The following MYO1E variants were observed in gnomAD, a reference collection of about 807,000 sequenced individuals.
The protein encoded by MYO1E is unconventional myosin-Ie.
Under a neutral mutation model 151.1 loss-of-function variants are expected in MYO1E, and 68 were observed. That is an observed-to-expected ratio of 0.45 (90% CI 0.37 to 0.55). The LOEUF is 0.55. Ranked by LOEUF, MYO1E falls within the 20% of genes least tolerant of loss-of-function variation. MYO1E has a pLI of 0.00. For missense variants in MYO1E, 1,363 were observed against 1,389.3 expected (o/e 0.98, Z 0.30); for synonymous variants, 601 against 501.7 (o/e 1.20, Z -2.64).
chr15:59,271,901 T>G (rs1669389325), intron 2 of MYO1E, among the ~76,000 whole-genome samples: 1 of 152,218 alleles, frequency 6.6e-6, no homozygotes, highest in Admixed American at 6.5e-5. Flanking sequence ...AGGGACGATA[T>G]TATAGATTAA....
chr15:59,341,359 G>A (rs1388049871), intron 1 of MYO1E: 1 of 151,904 alleles, frequency 6.6e-6, no homozygotes, highest in South Asian at 2.1e-4. Context: ...CCTTGCTCAG[G>A]AGCCATGCTA....
At chr15:59,304,131 C>T (rs28380552) in intron 1 of MYO1E, among the ~76,000 whole-genome samples, 25,227 of 151,750 alleles carry the variant, frequency 0.17, 3,478 homozygotes, top group African/African-American at 0.38. Flanking sequence ...TACAGGCACA[C>T]ACCGCCACGC....
chr15:59,168,816 T>C (rs1335327452), intron 22 of MYO1E, among the ~76,000 whole-genome samples: 2 of 152,108 alleles, frequency 1.3e-5, no homozygotes, highest in East Asian at 3.9e-4. Context: ...AGATGGGTTC[T>C]TACTATGTTG....
At chr15:59,185,895 A>G (rs1288476048) in intron 18 of MYO1E, among the ~76,000 whole-genome samples, 1 of 152,204 alleles carries the variant, frequency 6.6e-6, no homozygotes, top group East Asian at 1.9e-4. Flanking sequence ...ATCCCACAAT[A>G]CACAGGACAG....
chr15:59,314,777 C>A (rs2080575697), intron 1 of MYO1E, among the ~76,000 whole-genome samples: 2 of 152,106 alleles, frequency 1.3e-5, no homozygotes, highest in Admixed American at 6.6e-5. Flanking sequence ...CAAACCTCCA[C>A]AACAAATAAC....
intron 1 of MYO1E, among the ~76,000 whole-genome samples, chr15:59,292,941 G>C (rs2080428478): frequency 6.6e-6 from 1 of 152,152 alleles, no homozygotes; most frequent in Non-Finnish European, 1.5e-5. Flanking sequence ...AGGCAAATGG[G>C]AGTTTGTAGA....
intron 1 of MYO1E, among the ~76,000 whole-genome samples, chr15:59,310,656 C>T (rs1253435569): frequency 6.6e-6 from 1 of 152,076 alleles, no homozygotes; most frequent in African/African-American, 2.4e-5. Context: ...ATTGTGAGAA[C>T]ACATTTCTGT....
At chr15:59,337,783 G>C (rs1596427228) in intron 1 of MYO1E, among the ~76,000 whole-genome samples, 2 of 152,118 alleles carry the variant, frequency 1.3e-5, no homozygotes, top group African/African-American at 4.8e-5. Context: ...AGTGAGCTGG[G>C]ATCGTGCCAC....
At chr15:59,284,059 A>G (rs1212587490) in intron 1 of MYO1E, among the ~76,000 whole-genome samples, 1 of 152,224 alleles carries the variant, frequency 6.6e-6, no homozygotes, top group Non-Finnish European at 1.5e-5. Context: ...AGCCTTGCAT[A>G]ATGCAGAGGA....
In MYO1E at chr15:59,286,809, C is replaced by T. The variant is rs143078802; in HGVS notation, c.4-14360G>A. ...TATGGCACAGTGGCACCATGTCCCT[C>T]TTGGGGCAAAATGTAACCATAAGGG... On this transcript the variant is annotated intron_variant, in intron 1 of 27. Coordinates refer to ENST00000288235, the MANE Select transcript of MYO1E (RefSeq NM_004998.4). 4.6e-5 allele frequency among the ~76,000 whole-genome samples: 7 copies of T among 152,316 alleles called. No individual in the cohort carries two copies. In the East Asian group the frequency reaches 1.4e-3, roughly 29 times the overall value.
At chr15:59,194,240 G>C (rs1389816224) in intron 17 of MYO1E, among the ~76,000 whole-genome samples, 1 of 152,154 alleles carries the variant, frequency 6.6e-6, no homozygotes, top group South Asian at 2.1e-4. Flanking sequence ...ATAGTGGCCT[G>C]AAAAGATGGC....
At chr15:59,311,871 T>G (rs766315898) in intron 1 of MYO1E, among the ~76,000 whole-genome samples, 4 of 152,182 alleles carry the variant, frequency 2.6e-5, no homozygotes, top group Admixed American at 1.3e-4. Context: ...TCTCACACAC[T>G]TTCTCACTCT....
chr15:59,360,014 A>G (rs1253186989), intron 1 of MYO1E: 1 of 152,266 alleles, frequency 6.6e-6, no homozygotes, highest in Non-Finnish European at 1.5e-5. Flanking sequence ...TATGCTATCT[A>G]GGATTTGCTT....
rs1201744377 is a variant in MYO1E at position 59,281,565 on chromosome 15, C to T, written c.4-9116G>A. Reference sequence around the variant, plus strand: ...GGTTAGGATTACAGGCGTGAGCCACCGCGCCCGGCCCCCATGACTTTTCTG... The same window carrying T: ...GGTTAGGATTACAGGCGTGAGCCACTGCGCCCGGCCCCCATGACTTTTCTG... On this transcript the variant is annotated intron_variant, in intron 1 of 27. Coordinates refer to ENST00000288235, the MANE Select transcript of MYO1E (RefSeq NM_004998.4). Among the ~76,000 whole-genome samples, 9 of 152,090 alleles carry T rather than the reference C, an allele frequency of 5.9e-5. No homozygotes were observed. In the South Asian group the frequency reaches 1.0e-3, roughly 18 times the overall value.
intron 5 of MYO1E, among the ~76,000 whole-genome samples, chr15:59,234,168 T>G (rs1229848736): frequency 6.6e-6 from 1 of 152,102 alleles, no homozygotes; most frequent in African/African-American, 2.4e-5. Context: ...TTCCCTGATA[T>G]GCTCACCACA....
chr15:59,310,712 G>A (rs1461474212), intron 1 of MYO1E, among the ~76,000 whole-genome samples: 11 of 152,116 alleles, frequency 7.2e-5, no homozygotes, highest in Non-Finnish European at 1.0e-4. Flanking sequence ...GCAGCCCTAG[G>A]AAATGAATTA....
Position 59,137,180 on chromosome 15 carries a change from C to A in MYO1E, c.*200G>T, listed in dbSNP as rs1384204729. The A allele has an allele frequency of 5.0e-6, 3 of 599,432 alleles. No homozygotes were observed. The highest frequency in any genetic ancestry group is 2.8e-5 in the East Asian group (1 of 35,688). 37.1% of individuals were successfully genotyped at this position (599,432 alleles called of 1,614,324 possible). On this transcript the variant is annotated 3_prime_UTR_variant, in exon 28 of 28. Coordinates refer to ENST00000288235, the MANE Select transcript of MYO1E (RefSeq NM_004998.4). ...TCCTGGGTTCCTATGAAGAGGCTAC[C>A]TTTTAGGATCACTTATGGAGTGATA...
At chr15:59,309,531 A>C (rs1397641288) in intron 1 of MYO1E, among the ~76,000 whole-genome samples, 1 of 152,222 alleles carries the variant, frequency 6.6e-6, no homozygotes, top group Non-Finnish European at 1.5e-5. Flanking sequence ...CAGGTTCACT[A>C]AGAATTTTTG....
intron 5 of MYO1E, among the ~76,000 whole-genome samples, chr15:59,233,720 T>G (rs11855027): frequency 0.48 from 70,263 of 146,084 alleles, 19,166 homozygotes; most frequent in Non-Finnish European, 0.63. Context: ...CTTGTCTCCA[T>G]GTCAACCCTC....
Sources: gnomAD v4.1 joint callset for allele counts (sites outside exome capture counted in the v4.1 genomes callset) on GRCh38, gnomAD v4.1.1 for gene constraint, MANE v1.5 for transcripts, NCBI Gene and HGNC (gene_info 2026-07-23, HGNC 2026-07-21) for gene names.